Variants in ERC2 observed in about 807,000 individuals in gnomAD.
The protein encoded by ERC2 is ELKS/RAB6-interacting/CAST family member 2.
ERC2 carries 42 observed loss-of-function variants against 114.8 expected under a neutral mutation model. The ratio of observed to expected loss-of-function variants is 0.37; its 90% CI spans 0.29 to 0.47. ERC2 has a LOEUF of 0.47. Among genes scored for constraint, ERC2 ranks in the 20% least tolerant of loss-of-function variants. The probability of loss-of-function intolerance (pLI) is 0.99; values close to 1 mark genes in which losing one functional copy is unlikely to be tolerated. For synonymous variants in ERC2, 454 were observed against 425.5 expected (o/e 1.07, Z -0.82); for missense variants, 939 against 1,150.7 (o/e 0.82, Z 2.66).
chr3:55,752,013 C>T (rs1166090635), intron 14 of ERC2, among the ~76,000 whole-genome samples: 1 of 152,162 alleles, frequency 6.6e-6, no homozygotes, highest in Non-Finnish European at 1.5e-5. Flanking sequence ...TGCTCCAGTA[C>T]CCTCAGTAGC....
intron 4 of ERC2, among the ~76,000 whole-genome samples, chr3:56,171,840 G>A (rs1276327214): frequency 4.0e-5 from 5 of 124,760 alleles, no homozygotes; most frequent in Admixed American, 8.7e-5. Flanking sequence ...TTGGAAACTC[G>A]CTCTTTTTTT....
At position 56,324,012 on chromosome 3, in the gene ERC2, C is replaced by T. The variant is rs1267713339; in HGVS notation, c.658-27577G>A. Among the ~76,000 whole-genome samples, 4 of 152,198 alleles carry T rather than the reference C, an allele frequency of 2.6e-5. No homozygotes were observed. In the East Asian group the frequency reaches 7.7e-4, roughly 29 times the overall value. ...GACAGCCCTGTTCTGGCACCTACAA[C>T]CGTGTGTTCTGTGGTCTTCTTATCC... On this transcript the variant is annotated intron_variant, in intron 2 of 17. Transcript: ENST00000288221.
At chr3:55,770,067 C>T (rs1249994803) in intron 14 of ERC2, among the ~76,000 whole-genome samples, 1 of 152,184 alleles carries the variant, frequency 6.6e-6, no homozygotes, top group South Asian at 2.1e-4. Context: ...GTAATGCGTG[C>T]AAACTGCAAG....
intron 2 of ERC2, among the ~76,000 whole-genome samples, chr3:56,324,124 A>G (rs1267503219): frequency 6.6e-6 from 1 of 152,184 alleles, no homozygotes; most frequent in African/African-American, 2.4e-5. Context: ...CCTAAACAAT[A>G]ACTACACTGG....
intron 13 of ERC2, among the ~76,000 whole-genome samples, chr3:55,939,329 C>T (rs192519710): frequency 2.6e-5 from 4 of 152,300 alleles, no homozygotes; most frequent in Middle Eastern, 3.4e-3. Context: ...TTGCCTAAAT[C>T]GGCATTTGCC....
At chr3:55,830,554 T>C (rs1281660714) in intron 14 of ERC2, among the ~76,000 whole-genome samples, 1 of 152,238 alleles carries the variant, frequency 6.6e-6, no homozygotes, top group African/African-American at 2.4e-5. Context: ...TATAAGGTTG[T>C]GAGGTTTCTC....
chr3:55,747,110 A>T (rs2066358268), intron 14 of ERC2, among the ~76,000 whole-genome samples: 1 of 152,220 alleles, frequency 6.6e-6, no homozygotes, highest in Admixed American at 6.5e-5. Context: ...TTAAAAAAAT[A>T]AACATTACAC....
intron 14 of ERC2, among the ~76,000 whole-genome samples, chr3:55,796,719 C>G (rs1230927958): frequency 6.6e-6 from 1 of 152,174 alleles, no homozygotes; most frequent in Non-Finnish European, 1.5e-5. Context: ...GCCACTGGGC[C>G]CAGCCCCACT....
intron 14 of ERC2, among the ~76,000 whole-genome samples, chr3:55,847,926 T>A (rs1238471657): frequency 1.3e-5 from 2 of 151,996 alleles, no homozygotes; most frequent in East Asian, 3.9e-4. Flanking sequence ...AGCCTCCCAA[T>A]CAGCTGTAAC....
chr3:55,785,011 C>T (rs374434892), intron 14 of ERC2, among the ~76,000 whole-genome samples: 1 of 152,028 alleles, frequency 6.6e-6, no homozygotes, highest in Non-Finnish European at 1.5e-5. Flanking sequence ...GAAAGCCTCA[C>T]GAAGGAAGGA....
intron 2 of ERC2, among the ~76,000 whole-genome samples, chr3:56,342,751 C>T (rs1198625279): frequency 6.6e-6 from 1 of 152,052 alleles, no homozygotes; most frequent in African/African-American, 2.4e-5. Flanking sequence ...CTTTTTGGAA[C>T]AATTTTTAAT....
intron 3 of ERC2, among the ~76,000 whole-genome samples, chr3:56,274,514 GA>G (rs11331987): frequency 0.63 from 95,553 of 151,326 alleles, 32,050 homozygotes; most frequent in Non-Finnish European, 0.75. Context: ...GCATTTGGTT[GA>G]AAAAAAAAAT....
At chr3:55,616,422 T>A (rs2059124731) in intron 17 of ERC2, among the ~76,000 whole-genome samples, 1 of 152,156 alleles carries the variant, frequency 6.6e-6, no homozygotes, top group Non-Finnish European at 1.5e-5. Context: ...CGTTTTTATA[T>A]TTCAGTAACA....
At chr3:56,244,789 T>C (rs928271911) in intron 3 of ERC2, among the ~76,000 whole-genome samples, 6 of 152,212 alleles carry the variant, frequency 3.9e-5, no homozygotes, top group African/African-American at 1.4e-4. Flanking sequence ...AGTAGTGTCC[T>C]AGGCCTTCAC....
intron 2 of ERC2, among the ~76,000 whole-genome samples, chr3:56,424,417 T>A (rs2061494763): frequency 1.3e-5 from 2 of 152,186 alleles, no homozygotes; most frequent in South Asian, 4.1e-4. Context: ...ATTAGCCAAG[T>A]CTTTCAGAAG....
chr3:56,012,100 T>C (rs2072986077), intron 8 of ERC2, among the ~76,000 whole-genome samples: 1 of 152,204 alleles, frequency 6.6e-6, no homozygotes, highest in Non-Finnish European at 1.5e-5. Context: ...AGACCTAGTT[T>C]ACCTACCTGT....
intron 6 of ERC2, among the ~76,000 whole-genome samples, chr3:56,121,224 T>A (rs1352517352): frequency 6.6e-6 from 1 of 152,212 alleles, no homozygotes; most frequent in Non-Finnish European, 1.5e-5. Flanking sequence ...TCTGTATGTA[T>A]GTTTGTATGT....
chr3:56,229,860 G>GTTTTT (rs1323648162), intron 3 of ERC2, among the ~76,000 whole-genome samples: 15 of 96,832 alleles, frequency 1.5e-4, no homozygotes, highest in Non-Finnish European at 2.1e-4. Context: ...CAAATATCTA[G>GTTTTT]TCTTTTTTTT....
At position 55,995,800 on chromosome 3, in the gene ERC2, G is replaced by A. The variant is rs73086932; in HGVS notation, c.2062-3550C>T. 9.2e-3 allele frequency among the ~76,000 whole-genome samples: 1,396 copies of A among 152,310 alleles called. 9 individuals are homozygous for A. Among genetic ancestry groups the A allele is most frequent in the Non-Finnish European group, 0.015 (1,033 of 68,018 alleles). On this transcript the variant is annotated intron_variant, in intron 10 of 17. Coordinates refer to ENST00000288221, the MANE Select transcript of ERC2 (RefSeq NM_015576.3). ...AACCAGCATGAATGTGTTCTACCAT[G>A]ATCTACAGACATGAGTGATTCTACA...
Sources: gnomAD v4.1 joint callset for allele counts (sites outside exome capture counted in the v4.1 genomes callset) on GRCh38, gnomAD v4.1.1 for gene constraint, MANE v1.5 for transcripts, NCBI Gene and HGNC (gene_info 2026-07-23, HGNC 2026-07-21) for gene names.